HS3ST4: variants seen among roughly 807,000 people sequenced by gnomAD.
HS3ST4 encodes the protein heparan sulfate glucosamine 3-O-sulfotransferase 4.
Under a neutral mutation model 29.2 loss-of-function variants are expected in HS3ST4, and 17 were observed. The observed-to-expected ratio is 0.58, with a 90% confidence interval of 0.40 to 0.87. The LOEUF is 0.87. HS3ST4 is among the 40% of genes least tolerant of loss of function. The pLI is 0.00. For synonymous variants in HS3ST4, 314 were observed against 285.7 expected (o/e 1.10, Z -1.00); for missense variants, 627 against 634.5 (o/e 0.99, Z 0.13).
At chr16:25,747,204 T>C (rs1273896155) in intron 1 of HS3ST4, among the ~76,000 whole-genome samples, 3 of 152,218 alleles carry the variant, frequency 2.0e-5, no homozygotes, top group African/African-American at 7.2e-5. Flanking sequence ...ATATTTGGCA[T>C]GGAAAAATAC....
intron 1 of HS3ST4, among the ~76,000 whole-genome samples, chr16:25,802,410 C>T (rs1966948146): frequency 6.6e-6 from 1 of 151,926 alleles, no homozygotes; most frequent in Admixed American, 6.6e-5. Flanking sequence ...TGTTTTCTTT[C>T]CTTTTTATTA....
intron 1 of HS3ST4, among the ~76,000 whole-genome samples, chr16:25,975,131 T>C (rs771685647): frequency 6.6e-6 from 1 of 152,130 alleles, no homozygotes; most frequent in Non-Finnish European, 1.5e-5. Context: ...TGAAATCTTA[T>C]CCTATGCAGT....
chr16:25,771,878 T>G (rs1966842778), intron 1 of HS3ST4, among the ~76,000 whole-genome samples: 1 of 152,226 alleles, frequency 6.6e-6, no homozygotes, highest in Non-Finnish European at 1.5e-5. Context: ...GCTCAATGCA[T>G]TTTTATGGAT....
intron 1 of HS3ST4, among the ~76,000 whole-genome samples, chr16:25,880,461 C>T (rs910367130): frequency 4.6e-5 from 7 of 152,140 alleles, no homozygotes; most frequent in Non-Finnish European, 1.0e-4. Context: ...GACACGCAAC[C>T]ATCTCTTTAC....
intron 1 of HS3ST4, among the ~76,000 whole-genome samples, chr16:25,749,567 G>GGAAGAAGAAGAA (rs751259036): frequency 6.6e-6 from 1 of 151,952 alleles, no homozygotes; most frequent in African/African-American, 2.4e-5. Flanking sequence ...GAGAGGAAGA[G>GGAAGAAGAAGAA]GAAGAAGAAG....
At chr16:25,858,360 CTTA>C (rs1019861450) in intron 1 of HS3ST4, among the ~76,000 whole-genome samples, 2 of 152,088 alleles carry the variant, frequency 1.3e-5, no homozygotes, top group African/African-American at 4.8e-5. Flanking sequence ...TCCTGCTTTT[CTTA>C]TTATCAATAC....
intron 1 of HS3ST4, chr16:26,062,784 T>C (rs1898492428): frequency 4.2e-6 from 1 of 239,990 alleles, no homozygotes; most frequent in Non-Finnish European, 8.6e-6. Context: ...TCACCATCTC[T>C]AAATAAGAAA....
chr16:26,101,073 C>A (rs535882499), intron 1 of HS3ST4, among the ~76,000 whole-genome samples: 1 of 152,188 alleles, frequency 6.6e-6, no homozygotes, highest in Non-Finnish European at 1.5e-5. Context: ...CAACAGAAAC[C>A]GTTTACTCCA....
At chr16:25,751,345 A>C (rs1426643930) in intron 1 of HS3ST4, among the ~76,000 whole-genome samples, 1 of 152,096 alleles carries the variant, frequency 6.6e-6, no homozygotes, top group African/African-American at 2.4e-5. Flanking sequence ...CACTCCTATT[A>C]TGGAGATGCT....
chr16:25,827,876 G>A (rs999574990), intron 1 of HS3ST4, among the ~76,000 whole-genome samples: 1 of 152,194 alleles, frequency 6.6e-6, no homozygotes, highest in African/African-American at 2.4e-5. Context: ...GAGGAAGCTT[G>A]TCACAAGCTA....
chr16:25,922,401 A>G (rs536951217), intron 1 of HS3ST4, among the ~76,000 whole-genome samples: 1 of 152,224 alleles, frequency 6.6e-6, no homozygotes, highest in South Asian at 2.1e-4. Context: ...CAGTAAATAG[A>G]TCCTCGCTAG....
chr16:25,725,191 C>T (rs143082415), intron 1 of HS3ST4, among the ~76,000 whole-genome samples: 69 of 152,224 alleles, frequency 4.5e-4, no homozygotes, highest in African/African-American at 1.6e-3. Context: ...TGCAGCATTT[C>T]TGAAAGATGA....
Position 25,747,477 on chromosome 16 carries a change from G to A in HS3ST4, c.734+54326G>A, listed in dbSNP as rs74718278. Among the ~76,000 whole-genome samples, 339 of 152,366 alleles carry A rather than the reference G, an allele frequency of 2.2e-3. 1 individual carries two copies. Among genetic ancestry groups the A allele is most frequent in the African/African-American group, 7.8e-3 (325 of 41,582 alleles). ...AGAACTCGCAACCTGTGGTGGCAGA[G>A]CATTCCACATTTCAGAACCAAGAAG... On this transcript the variant is annotated intron_variant, in intron 1 of 1. Transcript: ENST00000331351.
intron 1 of HS3ST4, among the ~76,000 whole-genome samples, chr16:25,698,694 G>A (rs774894189): frequency 5.9e-5 from 9 of 152,144 alleles, no homozygotes; most frequent in Admixed American, 2.6e-4. Flanking sequence ...GTTTAGTCTC[G>A]TGTATGCTCT....
chr16:25,871,212 G>A (rs1406737539), intron 1 of HS3ST4, among the ~76,000 whole-genome samples: 2 of 152,164 alleles, frequency 1.3e-5, no homozygotes, highest in African/African-American at 4.8e-5. Flanking sequence ...ACACAGGTCT[G>A]ACACCTGCAA....
At chr16:25,705,845 C>A (rs975109371) in intron 1 of HS3ST4, among the ~76,000 whole-genome samples, 17 of 152,020 alleles carry the variant, frequency 1.1e-4, no homozygotes, top group African/African-American at 3.6e-4. Context: ...TCTACTAACT[C>A]CACAGTGATT....
chr16:25,928,193 CT>C (rs1359758002), intron 1 of HS3ST4, among the ~76,000 whole-genome samples: 1 of 147,694 alleles, frequency 6.8e-6, no homozygotes, highest in African/African-American at 2.5e-5. Context: ...AAGACTCCAT[CT>C]TTCCAAAAAA....
chr16:26,016,948 C>T (rs965895052), intron 1 of HS3ST4, among the ~76,000 whole-genome samples: 1 of 152,110 alleles, frequency 6.6e-6, no homozygotes, highest in Non-Finnish European at 1.5e-5. Context: ...ATATTACCTC[C>T]CAACTATTTA....
intron 1 of HS3ST4, among the ~76,000 whole-genome samples, chr16:26,131,565 AAG>A: frequency 6.6e-6 from 1 of 152,300 alleles, no homozygotes; most frequent in Non-Finnish European, 1.5e-5. Context: ...TAAAACCTAG[AAG>A]AGAGAAGAGA....
Sources: gnomAD v4.1 joint callset for allele counts (sites outside exome capture counted in the v4.1 genomes callset) on GRCh38, gnomAD v4.1.1 for gene constraint, MANE v1.5 for transcripts, NCBI Gene and HGNC (gene_info 2026-07-23, HGNC 2026-07-21) for gene names.